Variants in TMEM63B observed in about 807,000 individuals in gnomAD.
The protein encoded by TMEM63B is transmembrane protein 63B, also known as mechanosensitive cation channel TMEM63B.
In TMEM63B, 23 loss-of-function variants were observed where a neutral mutation model predicts 102.6. The ratio of observed to expected loss-of-function variants is 0.22; its 90% CI spans 0.16 to 0.32. The LOEUF is 0.32. Among genes scored for constraint, TMEM63B ranks in the 10% least tolerant of loss-of-function variants. The pLI is 1.00. For missense variants in TMEM63B, 628 were observed against 1,095.9 expected, an observed-to-expected ratio of 0.57 and a Z score of 6.03; for synonymous variants, 444 against 437.0, an observed-to-expected ratio of 1.02 and a Z score of -0.20.
chr6:44,150,923 A>G lies in TMEM63B; in HGVS notation c.1673+294A>G, dbSNP rs977148080. Among the ~76,000 whole-genome samples the G allele has an allele frequency of 1.2e-4, 19 of 152,068 alleles. No homozygotes were observed. The highest frequency in any genetic ancestry group is 3.4e-4 in the African/African-American group (14 of 41,402). On this transcript the variant is annotated intron_variant, in intron 18 of 23. Coordinates refer to ENST00000323267, the MANE Select transcript of TMEM63B (RefSeq NM_018426.3). The surrounding 1 kb of genome is among the most constrained non-coding windows in gnomAD (Gnocchi z 4.7). ...GGGGCTCCACATTCTGGTAGTTTCT[A>G]TGGGGGTGTCTTGTGCCCATATTCT...
Position 44,139,697 on chromosome 6 carries a change from C to G in TMEM63B, c.551-11C>G. ...CCCCACCATCATCCTCTCCCTCTTC[C>G]CACCCCACAGAGAACAATGCCTACA... On this transcript the variant is annotated splice_polypyrimidine_tract_variant and intron_variant, in intron 7 of 23. Coordinates refer to ENST00000323267, the MANE Select transcript of TMEM63B (RefSeq NM_018426.3). The G allele has an allele frequency of 6.2e-7, 1 of 1,614,150 alleles. No individual in the cohort carries two copies. The highest frequency in any genetic ancestry group is 8.5e-7 in the Non-Finnish European group (1 of 1,180,034).
intron 10 of TMEM63B, among the ~76,000 whole-genome samples, chr6:44,145,427 A>C (rs1416048718): frequency 1.5e-5 from 2 of 137,142 alleles, no homozygotes. Flanking sequence ...CTAAAAATAC[A>C]AAAAAAAAAA....
At position 44,136,968 on chromosome 6, in the gene TMEM63B, G is replaced by A. The variant is rs182705548; in HGVS notation, c.369+529G>A. On this transcript the variant is annotated intron_variant, in intron 5 of 23. Coordinates refer to ENST00000323267, the MANE Select transcript of TMEM63B (RefSeq NM_018426.3). ...GCTGAGGCAGGAGAATGGCGTGAACGCGGGAGGCGGAGCTTGCAGTGAGCT... is the reference window on the plus strand; with the variant it reads ...GCTGAGGCAGGAGAATGGCGTGAACACGGGAGGCGGAGCTTGCAGTGAGCT... 7.5e-4 allele frequency among the ~76,000 whole-genome samples: 114 copies of A among 152,358 alleles called. 2 individuals carry two copies. The highest frequency in any genetic ancestry group is 2.5e-3 in the African/African-American group (102 of 41,590).
At chr6:44,127,484 C>A (rs1210500242), upstream of TMEM63B, 1 of 151,602 alleles carries the variant, frequency 6.6e-6, no homozygotes, top group Non-Finnish European at 1.5e-5. Flanking sequence ...ACCTTGCGTG[C>A]GCCGGCGTGC....
chr6:44,131,734 AC>A (rs147027033), intron 1 of TMEM63B, among the ~76,000 whole-genome samples: 2 of 146,844 alleles, frequency 1.4e-5, no homozygotes, highest in Non-Finnish European at 3.0e-5. Context: ...ATACACAACA[AC>A]CCCCCCAAAA....
In TMEM63B at chr6:44,141,081, G is replaced by A. The variant is rs1764156883; in HGVS notation, c.765G>A (p.Lys255=). The A allele has an allele frequency of 2.5e-6, 4 of 1,613,926 alleles. No individual in the cohort carries two copies. Among genetic ancestry groups the A allele is most frequent in the Non-Finnish European group, 3.4e-6 (4 of 1,179,956 alleles). ...TCTCCAAATATGCAGAGTCAGAAAA[G>A]ATCAAGAAGCATTTTGAGTGAGTAA... The part of the protein sequence containing the change: ...NGISKYAESE[K]IKKHFEEAYP... Residue 255 remains lysine, a synonymous_variant, in exon 10 of 24, where the codon AAG becomes AAA. Transcript: ENST00000323267.
At chr6:44,147,290 C>G (rs1765615741) in intron 11 of TMEM63B, 87 bp from the exon 12 acceptor site, 3 of 1,602,390 alleles carry the variant, frequency 1.9e-6, no homozygotes, top group Non-Finnish European at 2.6e-6. Context: ...CAAGACAGCT[C>G]CTGTCCTTGG....
intron 1 of TMEM63B, 43 bp from the exon 2 acceptor site, chr6:44,134,518 G>A (rs1762548805): frequency 1.3e-6 from 2 of 1,578,238 alleles, no homozygotes; most frequent in African/African-American, 1.3e-5. Context: ...GGCCATGAAG[G>A]GGATGGGGGC....
In TMEM63B at chr6:44,152,518, C is replaced by T; in HGVS notation, c.1837-75C>T. On this transcript the variant is annotated intron_variant, in intron 19 of 23. Coordinates refer to ENST00000323267, the MANE Select transcript of TMEM63B (RefSeq NM_018426.3). The surrounding 1 kb of genome is among the most constrained non-coding windows in gnomAD (Gnocchi z 6.4). ...CGGCCCCAGAGGTCCTGGCTCCCTT[C>T]CCCCTCCCTCCTTCCCTGCCCCTCT... 1 of 914,000 alleles carries T rather than the reference C, an allele frequency of 1.1e-6. No individual in the cohort carries two copies. The highest frequency in any genetic ancestry group is 1.8e-6 in the Non-Finnish European group (1 of 565,420). The allele number at this position is 914,000 out of a possible 1,614,324, so 56.6% of individuals were successfully genotyped here. A position where few individuals can be genotyped will look rare whatever the true frequency, so the allele number is the denominator to read the frequency against.
At chr6:44,154,581 T>C in intron 23 of TMEM63B, 111 bp from the exon 24 acceptor site, 1 of 1,438,868 alleles carries the variant, frequency 6.9e-7, no homozygotes, top group Non-Finnish European at 9.5e-7. Context: ...CCTGGAGGGC[T>C]GCCCCCGCCC....
At chr6:44,140,158 C>T in intron 8 of TMEM63B, 94 bp from the exon 9 acceptor site, 7 of 987,430 alleles carry the variant, frequency 7.1e-6, no homozygotes, top group Non-Finnish European at 1.1e-5. Flanking sequence ...AGGGCCCTGT[C>T]TGTATCAAGG....
At chr6:44,142,336 C>G (rs1174091036) in intron 10 of TMEM63B, among the ~76,000 whole-genome samples, 2 of 150,084 alleles carry the variant, frequency 1.3e-5, no homozygotes, top group Non-Finnish European at 3.0e-5. Flanking sequence ...ATGGTGAAAC[C>G]CCGTCTCTAC....
Position 44,152,005 on chromosome 6 carries a change from GC to G in TMEM63B, c.1834del (p.Arg612GlyfsTer16). 1.2e-6 allele frequency: 2 copies of G among 1,604,376 alleles called. No homozygotes were observed. The highest frequency in any genetic ancestry group is 1.7e-6 in the Non-Finnish European group (2 of 1,176,144). On this transcript the variant is annotated frameshift_variant and splice_region_variant, in exon 19 of 24. Coordinates refer to ENST00000323267, the MANE Select transcript of TMEM63B (RefSeq NM_018426.3). LOFTEE classifies it high-confidence loss of function. The surrounding 1 kb of genome is among the most constrained non-coding windows in gnomAD (Gnocchi z 6.4). ...CGGCCGCCGAGAGGCGCAACGTGAA[GC>G]GGGTACGGCCGCCTGGGGCAGCAGC... ...RSAAERRNVKRHQAYEFQFGA... is the reference protein window; with the variant it reads ...RSAAERRNVKXHQAYEFQFGA...
In TMEM63B at chr6:44,150,010, C is replaced by A; in HGVS notation, c.1520+45C>A. Reference sequence around the variant, plus strand: ...ACCACACCTCGCTGTGGCCTGCCCTCAATGACCCATCCTCTCTGGGCAGCA... The same window carrying A: ...ACCACACCTCGCTGTGGCCTGCCCTAAATGACCCATCCTCTCTGGGCAGCA... On this transcript the variant is annotated intron_variant, in intron 16 of 23. Coordinates refer to ENST00000323267, the MANE Select transcript of TMEM63B (RefSeq NM_018426.3). The surrounding 1 kb of genome is among the most constrained non-coding windows in gnomAD (Gnocchi z 4.7). 1 of 1,564,020 alleles carries A rather than the reference C, an allele frequency of 6.4e-7. No homozygotes were observed. Among genetic ancestry groups the A allele is most frequent in the East Asian group, 2.3e-5 (1 of 43,544 alleles).
chr6:44,141,892 T>G (rs1158319093), intron 10 of TMEM63B, among the ~76,000 whole-genome samples: 2 of 144,820 alleles, frequency 1.4e-5, no homozygotes, highest in African/African-American at 5.2e-5. Context: ...GAGGCCAAAG[T>G]GGGCAGATCA....
chr6:44,131,224 A>G (rs1394810533), intron 1 of TMEM63B, among the ~76,000 whole-genome samples: 1 of 151,886 alleles, frequency 6.6e-6, no homozygotes. Flanking sequence ...GGCACCTACT[A>G]CTACTTTTAT....
In TMEM63B at chr6:44,138,743, C is replaced by CCCCG. The variant is rs916985501; in HGVS notation, c.407+226_407+227insCCCG. 175 of 401,232 alleles carry CCCCG rather than the reference C, an allele frequency of 4.4e-4. 9 individuals are homozygous for CCCCG. The highest frequency in any genetic ancestry group is 7.6e-4 in the Non-Finnish European group (162 of 212,554). 24.9% of individuals were successfully genotyped at this position (401,232 alleles called of 1,614,324 possible). A position where few individuals can be genotyped will look rare whatever the true frequency, so the allele number is the denominator to read the frequency against. Reference sequence around the variant, plus strand: ...CTCTGTGACCCCCTGCCGGCCCCCCCGCTTCTCTCCCTGCCCTGCCCCACC... The same window carrying CCCCG: ...CTCTGTGACCCCCTGCCGGCCCCCCCCCCGGCTTCTCTCCCTGCCCTGCCCCACC... On this transcript the variant is annotated intron_variant, in intron 6 of 23. Transcript: ENST00000323267.
At chr6:44,153,620 C>A in intron 20 of TMEM63B, 56 bp from the exon 21 acceptor site, 1 of 1,574,944 alleles carries the variant, frequency 6.3e-7, no homozygotes. Context: ...GTGACAGACA[C>A]ACAAAAGGTT....
At position 44,155,016 on chromosome 6, in the gene TMEM63B, C is replaced by T; in HGVS notation, c.*133C>T. 1.1e-6 allele frequency: 1 copy of T among 904,296 alleles called. No homozygotes were observed. The highest frequency in any genetic ancestry group is 1.5e-6 in the Non-Finnish European group (1 of 647,986). 56.0% of individuals were successfully genotyped at this position (904,296 alleles called of 1,614,324 possible). On this transcript the variant is annotated 3_prime_UTR_variant, in exon 24 of 24. Transcript: ENST00000323267. ...CCCTGCTTTCATTAAGGTATTTAAA[C>T]TTGGGGGTTTCACTGCTCTCCCCCA...
Sources: allele counts gnomAD v4.1 joint callset (sites outside exome capture counted in the v4.1 genomes callset), GRCh38; gene constraint gnomAD v4.1.1; non-coding constraint Gnocchi (gnomAD v3.1); transcripts MANE v1.5; gene names NCBI Gene and HGNC (gene_info 2026-07-23, HGNC 2026-07-21).